The following COG5 variants were observed in gnomAD, a reference collection of about 807,000 sequenced individuals.
COG5 encodes component of oligomeric golgi complex 5.
A neutral mutation model predicts 110.4 loss-of-function variants in COG5; 86 were observed. The observed-to-expected ratio is 0.78, with a 90% CI of 0.65 to 0.93. COG5 has a LOEUF of 0.93. COG5 is among the 40% of genes least tolerant of loss of function. COG5 has a pLI of 0.00. For missense variants in COG5, 1,077 were observed against 987.0 expected (o/e 1.09, Z -1.22); for synonymous variants, 360 against 334.6 (o/e 1.08, Z -0.83).
chr7:107,374,840 T>C lies in COG5; in HGVS notation c.670-2080A>G, dbSNP rs563928130. On this transcript the variant is annotated intron_variant, in intron 7 of 21. Coordinates refer to ENST00000297135, the MANE Select transcript of COG5 (RefSeq NM_006348.5). ...GCATTCATATTTATAGCTTAACACA[T>C]AGATTATGCCAGTAAAAAAACTGCA... Among the ~76,000 whole-genome samples the C allele has an allele frequency of 4.6e-5, 7 of 152,124 alleles. No homozygotes were observed. In the South Asian group the frequency reaches 1.4e-3, roughly 31 times the overall value.
chr7:107,203,437 C>T lies in COG5; in HGVS notation c.*79G>A, dbSNP rs927024440. The stretch of plus-strand genomic sequence containing the variant: ...ACATTCTTAAAATAGTAGATAGTAG[C>T]AGTCTTTTGGAGTATGTGTTTAACT... On this transcript the variant is annotated 3_prime_UTR_variant, in exon 22 of 22. Transcript: ENST00000297135. The T allele has an allele frequency of 4.5e-6, 4 of 885,992 alleles. No homozygotes were observed. Among genetic ancestry groups the T allele is most frequent in the Non-Finnish European group, 7.7e-6 (4 of 517,832 alleles). 54.9% of individuals were successfully genotyped at this position (885,992 alleles called of 1,614,324 possible). A position where few individuals can be genotyped will look rare whatever the true frequency, so the allele number is the denominator to read the frequency against.
chr7:107,264,672 G>A lies in COG5; in HGVS notation c.1576-6289C>T, dbSNP rs186315923. Among the ~76,000 whole-genome samples, 8 of 152,146 alleles carry A rather than the reference G, an allele frequency of 5.3e-5. No individual in the cohort carries two copies. The South Asian group carries it at 1.0e-3, about 20-fold the overall frequency. On this transcript the variant is annotated intron_variant, in intron 14 of 21. Coordinates refer to ENST00000297135, the MANE Select transcript of COG5 (RefSeq NM_006348.5). ...CACACCACTGTACTCCAGCCCGAGC[G>A]ACAGATCCAGATCCTGTCTCAAAAC...
intron 12 of COG5, among the ~76,000 whole-genome samples, chr7:107,295,101 A>T (rs934942391): frequency 0.058 from 2,632 of 45,510 alleles, 128 homozygotes; most frequent in African/African-American, 0.086. Flanking sequence ...ATATATATAT[A>T]TTTTTTTTTT....
At chr7:107,223,279 G>A (rs1226198398) in intron 19 of COG5, among the ~76,000 whole-genome samples, 1 of 152,198 alleles carries the variant, frequency 6.6e-6, no homozygotes, top group Admixed American at 6.5e-5. Flanking sequence ...TGAGAGAGAA[G>A]AGAAAGTGTT....
At chr7:107,450,047 T>C (rs1170343269) in intron 6 of COG5, 1 of 152,228 alleles carries the variant, frequency 6.6e-6, no homozygotes, top group Non-Finnish European at 1.5e-5. Flanking sequence ...AATATCAAGA[T>C]AGTCCTCTCT....
Position 107,372,779 on chromosome 7 carries a change from G to A in COG5, c.670-19C>T. The stretch of plus-strand genomic sequence containing the variant: ...TTGGATTCTTAAAAAAAGGTGGGGT[G>A]GGGTGGAAACAGATATAAATAGGAA... On this transcript the variant is annotated intron_variant, in intron 7 of 21. Coordinates refer to ENST00000297135, the MANE Select transcript of COG5 (RefSeq NM_006348.5). The A allele has an allele frequency of 1.2e-6, 2 of 1,612,576 alleles. No individual in the cohort carries two copies. The highest frequency in any genetic ancestry group is 1.7e-6 in the Non-Finnish European group (2 of 1,179,222).
intron 6 of COG5, among the ~76,000 whole-genome samples, chr7:107,447,097 C>T (rs1181398231): frequency 6.6e-6 from 1 of 152,146 alleles, no homozygotes; most frequent in Non-Finnish European, 1.5e-5. Flanking sequence ...CTTGTAGTTG[C>T]AGCACTGACT....
At chr7:107,215,163 A>C (rs1347496240) in intron 19 of COG5, among the ~76,000 whole-genome samples, 1 of 152,192 alleles carries the variant, frequency 6.6e-6, no homozygotes, top group Non-Finnish European at 1.5e-5. Flanking sequence ...GGCACAAAAC[A>C]TACATAGAAA....
chr7:107,330,645 G>T (rs1810155997), intron 10 of COG5, among the ~76,000 whole-genome samples: 1 of 152,144 alleles, frequency 6.6e-6, no homozygotes, highest in African/African-American at 2.4e-5. Flanking sequence ...AGTGAAAAGA[G>T]TATGGGTTTT....
At chr7:107,545,147 T>A (rs1255147522) in intron 5 of COG5, among the ~76,000 whole-genome samples, 2 of 152,140 alleles carry the variant, frequency 1.3e-5, no homozygotes, top group African/African-American at 4.8e-5. Context: ...CGGGATGCCA[T>A]CAAGCAAACC....
chr7:107,276,263 A>G (rs898747798), intron 14 of COG5, among the ~76,000 whole-genome samples: 3 of 152,198 alleles, frequency 2.0e-5, no homozygotes, highest in Admixed American at 6.5e-5. Flanking sequence ...TCCAAAGTTG[A>G]TATCAAAAAA....
At chr7:107,535,024 A>G (rs941328012) in intron 5 of COG5, among the ~76,000 whole-genome samples, 4 of 151,644 alleles carry the variant, frequency 2.6e-5, no homozygotes, top group Non-Finnish European at 2.9e-5. Context: ...TTCTCTCAAA[A>G]CCGCACAACT....
At chr7:107,368,794 A>G (rs1274779050) in intron 8 of COG5, among the ~76,000 whole-genome samples, 1 of 152,136 alleles carries the variant, frequency 6.6e-6, no homozygotes, top group East Asian at 1.9e-4. Context: ...CTCAACATTT[A>G]TGTTTTATTG....
intron 11 of COG5, among the ~76,000 whole-genome samples, chr7:107,323,531 G>GA (rs1382786516): frequency 6.6e-6 from 1 of 151,926 alleles, no homozygotes; most frequent in African/African-American, 2.4e-5. Flanking sequence ...ACTCCGTCTG[G>GA]AAAAAAACAA....
At chr7:107,389,107 G>A (rs1445860209) in intron 7 of COG5, among the ~76,000 whole-genome samples, 1 of 152,148 alleles carries the variant, frequency 6.6e-6, no homozygotes, top group African/African-American at 2.4e-5. Flanking sequence ...ACTCTATTGG[G>A]CTCATATCTT....
At chr7:107,411,643 A>G (rs1792306192) in intron 7 of COG5, among the ~76,000 whole-genome samples, 1 of 151,906 alleles carries the variant, frequency 6.6e-6, no homozygotes, top group Non-Finnish European at 1.5e-5. Context: ...ATGATATTCA[A>G]TTTTAAAAGA....
At chr7:107,497,338 A>G (rs1388065251) in intron 6 of COG5, among the ~76,000 whole-genome samples, 1 of 152,192 alleles carries the variant, frequency 6.6e-6, no homozygotes, top group Non-Finnish European at 1.5e-5. Context: ...CATTCAAATC[A>G]AAAGGAAAGT....
chr7:107,300,487 G>C (rs1807164777), intron 11 of COG5, among the ~76,000 whole-genome samples: 1 of 152,138 alleles, frequency 6.6e-6, no homozygotes, highest in Non-Finnish European at 1.5e-5. Flanking sequence ...CAAAGTTGCA[G>C]GATACGATTA....
intron 1 of COG5, among the ~76,000 whole-genome samples, chr7:107,560,395 C>CA (rs1328546183): frequency 6.6e-6 from 1 of 152,166 alleles, no homozygotes; most frequent in Non-Finnish European, 1.5e-5. Flanking sequence ...GACAAATATT[C>CA]ACACTGCACA....
Sources: allele counts gnomAD v4.1 joint callset (sites outside exome capture counted in the v4.1 genomes callset), GRCh38; gene constraint gnomAD v4.1.1; transcripts MANE v1.5; gene names NCBI Gene and HGNC (gene_info 2026-07-23, HGNC 2026-07-21).